Variants in DCHS2 observed in about 807,000 individuals in gnomAD.
The protein encoded by DCHS2 is protocadherin-23.
Under a neutral mutation model 182.4 loss-of-function variants are expected in DCHS2, and 142 were observed. The ratio of observed to expected loss-of-function variants is 0.78; its 90% confidence interval spans 0.68 to 0.89. The LOEUF (loss-of-function observed/expected upper bound fraction) is 0.89, where lower values mean the gene tolerates loss of function less well. Ranked by LOEUF, DCHS2 falls within the 40% of genes least tolerant of loss-of-function variation. The pLI, the probability that DCHS2 is intolerant of heterozygous loss-of-function variation, is 0.00. For synonymous variants in DCHS2, 1,740 were observed against 1,663.3 expected (o/e 1.05, Z -1.12); for missense variants, 4,319 against 4,198.6 (o/e 1.03, Z -0.79).
rs773919424 is a variant in DCHS2, at chr4:154,334,856, A to G, written c.2713+12T>C. The G allele has an allele frequency of 1.3e-6, 2 of 1,577,250 alleles. No homozygotes were observed. Among genetic ancestry groups the G allele is most frequent in the South Asian group, 2.2e-5 (2 of 90,288 alleles). On this transcript the variant is annotated intron_variant, in intron 4 of 19. Transcript: ENST00000357232. ...AATGGAATTCCATGCAGCATAAGAAATAAGTACTTACTCAAGGGCTCTCTT... is the reference window on the plus strand; with the variant it reads ...AATGGAATTCCATGCAGCATAAGAAGTAAGTACTTACTCAAGGGCTCTCTT...
At chr4:154,335,674 T>C (rs762020969) in intron 3 of DCHS2, among the ~76,000 whole-genome samples, 10 of 150,922 alleles carry the variant, frequency 6.6e-5, no homozygotes, top group Non-Finnish European at 1.0e-4. Context: ...TCCTCATACA[T>C]ACACACACAC....
rs1395582566 is a variant in DCHS2, at chr4:154,335,799, T to C, written c.2477-695A>G. Among the ~76,000 whole-genome samples, 45 of 152,236 alleles carry C rather than the reference T, an allele frequency of 3.0e-4. 1 individual carries two copies. Among genetic ancestry groups the C allele is most frequent in the Admixed American group, 2.9e-3 (45 of 15,284 alleles). On this transcript the variant is annotated intron_variant, in intron 3 of 19. Coordinates refer to ENST00000357232, the MANE Select transcript of DCHS2 (RefSeq NM_001358235.2). ...ATGTCAAATTATGTTAGGTAAGCAA[T>C]ATTTTCCTAGAGTTAAAACATTAGA... is the stretch of plus-strand genomic sequence containing the variant.
chr4:154,388,668 T>G (rs1731530275), intron 1 of DCHS2, among the ~76,000 whole-genome samples: 1 of 151,812 alleles, frequency 6.6e-6, no homozygotes, highest in Admixed American at 6.6e-5. Context: ...CTAATTTTTT[T>G]TATTTTTAGT....
chr4:154,333,665 C>A, intron 4 of DCHS2, 171 bp from the exon 5 acceptor site: 1 of 687,432 alleles, frequency 1.5e-6, no homozygotes, highest in Non-Finnish European at 2.4e-6. Flanking sequence ...TTTATTGTAC[C>A]TTTTCTGTGC....
chr4:154,389,945 A>G (rs1231660433), intron 1 of DCHS2, among the ~76,000 whole-genome samples: 2 of 152,122 alleles, frequency 1.3e-5, no homozygotes, highest in Non-Finnish European at 2.9e-5. Context: ...TCTTTAAGAG[A>G]ATAATTAATT....
At chr4:154,434,737 T>C (rs143727235) in intron 1 of DCHS2, among the ~76,000 whole-genome samples, 2,366 of 152,318 alleles carry the variant, frequency 0.016, 56 homozygotes, top group African/African-American at 0.054. Flanking sequence ...GTTGATAGCA[T>C]GTACTTCTGA....
chr4:154,391,099 T>A, intron 1 of DCHS2: 3 of 1,388,530 alleles, frequency 2.2e-6, no homozygotes, highest in Non-Finnish European at 3.0e-6. Context: ...ATGAATCTCA[T>A]ATGTAATTTA....
At chr4:154,460,375 A>T (rs1734960886) in intron 1 of DCHS2, among the ~76,000 whole-genome samples, 2 of 152,188 alleles carry the variant, frequency 1.3e-5, no homozygotes. Context: ...TTCCTGAGAC[A>T]TTTGTAAACC....
chr4:154,237,774 G>A (rs1731603270), intron 19 of DCHS2, among the ~76,000 whole-genome samples: 1 of 152,052 alleles, frequency 6.6e-6, no homozygotes, highest in Non-Finnish European at 1.5e-5. Flanking sequence ...AGATAAATAT[G>A]TCTTAAGGAT....
At chr4:154,317,950 C>T (rs561191587) in intron 9 of DCHS2, among the ~76,000 whole-genome samples, 16 of 152,222 alleles carry the variant, frequency 1.1e-4, no homozygotes, top group Admixed American at 8.5e-4. Context: ...CCAATATTTA[C>T]GAATACATGT....
At chr4:154,259,047 G>A (rs770278711) in intron 15 of DCHS2, among the ~76,000 whole-genome samples, 1 of 152,164 alleles carries the variant, frequency 6.6e-6, no homozygotes, top group African/African-American at 2.4e-5. Flanking sequence ...TTTACAGCAT[G>A]AACAAAACTT....
At chr4:154,395,529 C>G (rs1201452668) in intron 1 of DCHS2, among the ~76,000 whole-genome samples, 1 of 152,164 alleles carries the variant, frequency 6.6e-6, no homozygotes, top group Non-Finnish European at 1.5e-5. Context: ...TGCCATAGCC[C>G]ATAAGATCTA....
intron 1 of DCHS2, among the ~76,000 whole-genome samples, chr4:154,422,385 G>A (rs1450821025): frequency 6.6e-6 from 1 of 152,124 alleles, no homozygotes; most frequent in African/African-American, 2.4e-5. Flanking sequence ...AGAAACCTAA[G>A]AGTCACCCTT....
intron 10 of DCHS2, among the ~76,000 whole-genome samples, chr4:154,314,823 A>G (rs1190046735): frequency 6.9e-6 from 1 of 145,310 alleles, no homozygotes; most frequent in East Asian, 1.9e-4. Flanking sequence ...GTTTATATTC[A>G]TATAATATTC....
intron 1 of DCHS2, among the ~76,000 whole-genome samples, chr4:154,402,490 T>A (rs1310392104): frequency 6.6e-6 from 1 of 152,188 alleles, no homozygotes; most frequent in Non-Finnish European, 1.5e-5. Context: ...AAGTACTAAG[T>A]ATACCATATT....
intron 1 of DCHS2, among the ~76,000 whole-genome samples, chr4:154,418,682 T>C (rs1732972097): frequency 6.6e-6 from 1 of 152,238 alleles, no homozygotes; most frequent in African/African-American, 2.4e-5. Flanking sequence ...ATATAAATTT[T>C]TTATGACATC....
chr4:154,267,932 C>T (rs1733362906), intron 14 of DCHS2, among the ~76,000 whole-genome samples: 1 of 152,070 alleles, frequency 6.6e-6, no homozygotes, highest in South Asian at 2.1e-4. Flanking sequence ...TTGCTGAAGC[C>T]TTCATAGAGG....
intron 2 of DCHS2, among the ~76,000 whole-genome samples, chr4:154,368,026 A>G (rs529553327): frequency 6.6e-6 from 1 of 152,310 alleles, no homozygotes; most frequent in East Asian, 1.9e-4. Context: ...TCTGAGTTGA[A>G]TAAAGTGCCA....
intron 1 of DCHS2, among the ~76,000 whole-genome samples, chr4:154,428,056 A>G (rs1328254793): frequency 6.6e-6 from 1 of 152,210 alleles, no homozygotes; most frequent in Non-Finnish European, 1.5e-5. Flanking sequence ...AGGAGGCTAC[A>G]GCCATTGAAT....
Sources: gnomAD v4.1 joint callset for allele counts (sites outside exome capture counted in the v4.1 genomes callset) on GRCh38, gnomAD v4.1.1 for gene constraint, MANE v1.5 for transcripts, NCBI Gene and HGNC (gene_info 2026-07-23, HGNC 2026-07-21) for gene names.